The following DOCK4 variants were observed in gnomAD, a reference collection of about 807,000 sequenced individuals.
DOCK4 encodes dedicator of cytokinesis protein 4.
A neutral mutation model predicts 268.1 loss-of-function variants in DOCK4; 97 were observed. That is an observed-to-expected ratio of 0.36 (90% CI 0.31 to 0.43). The LOEUF is 0.43. DOCK4 is among the 20% of genes least tolerant of loss of function. The pLI, the probability that DOCK4 is intolerant of heterozygous loss-of-function variation, is 1.00. For synonymous variants in DOCK4, 954 were observed against 887.2 expected (o/e 1.08, Z -1.34); for missense variants, 2,145 against 2,455.7 (o/e 0.87, Z 2.67).
At chr7:111,926,633 C>T (rs1043279681) in intron 12 of DOCK4, among the ~76,000 whole-genome samples, 12 of 149,882 alleles carry the variant, frequency 8.0e-5, no homozygotes, top group African/African-American at 3.0e-4. Flanking sequence ...CTATCCTGGC[C>T]AACATGGTAA....
intron 1 of DOCK4, among the ~76,000 whole-genome samples, chr7:112,167,985 T>G (rs533916543): frequency 1.3e-5 from 2 of 152,132 alleles, no homozygotes; most frequent in Non-Finnish European, 1.5e-5. Flanking sequence ...CAATTACATC[T>G]AAATTAAAAT....
In DOCK4 at chr7:111,741,629, G is replaced by A; in HGVS notation, c.4830C>T (p.Val1610=). The change falls in exon 46 of 53, where the codon GTC becomes GTT. Residue 1610 remains valine, a synonymous_variant. Coordinates refer to ENST00000428084, the MANE Select transcript of DOCK4 (RefSeq NM_001363540.2). The stretch of plus-strand genomic sequence containing the variant: ...CACGAGGGCTTCCATTAGGAAAATG[G>A]ACAGGACTGGCTTGCATACAAGCAG... ...EFSACMQASP[V]HFPNGSPRVC... 6.2e-7 allele frequency: 1 copy of A among 1,613,598 alleles called. No individual in the cohort carries two copies. Among genetic ancestry groups the A allele is most frequent in the Non-Finnish European group, 8.5e-7 (1 of 1,179,740 alleles).
At chr7:111,760,988 T>G (rs1490849931) in intron 39 of DOCK4, among the ~76,000 whole-genome samples, 1 of 151,978 alleles carries the variant, frequency 6.6e-6, no homozygotes, top group African/African-American at 2.4e-5. Context: ...CTTATTTAAC[T>G]CATATAAGCT....
At chr7:111,894,759 A>C (rs1474956799) in intron 16 of DOCK4, among the ~76,000 whole-genome samples, 2 of 152,194 alleles carry the variant, frequency 1.3e-5, no homozygotes, top group Middle Eastern at 3.2e-3. Context: ...GTAGGGAGGT[A>C]GAAGGCTGGC....
At chr7:111,997,789 T>G (rs1800089160) in intron 4 of DOCK4, among the ~76,000 whole-genome samples, 1 of 152,218 alleles carries the variant, frequency 6.6e-6, no homozygotes. Context: ...CCCCTTATGA[T>G]GAATGATCTG....
chr7:112,078,797 T>C (rs947101078), intron 1 of DOCK4, among the ~76,000 whole-genome samples: 3 of 152,106 alleles, frequency 2.0e-5, no homozygotes, highest in African/African-American at 4.8e-5. Context: ...GCTCCAAACA[T>C]AGACCAGTAC....
chr7:111,894,709 T>C lies in DOCK4; in HGVS notation c.1587+903A>G, dbSNP rs117107945. Among the ~76,000 whole-genome samples the C allele has an allele frequency of 8.5e-3, 1,299 of 152,278 alleles. 5 individuals carry two copies. The highest frequency in any genetic ancestry group is 0.012 in the Non-Finnish European group (784 of 68,020). On this transcript the variant is annotated intron_variant, in intron 16 of 52. Transcript: ENST00000428084. ...AAGAACCAGAATGTGCTGGATGTGG[T>C]TGTAGCATCAAGAGGCCGGAAGTGG...
At chr7:111,955,373 C>T (rs944375016) in intron 8 of DOCK4, among the ~76,000 whole-genome samples, 4 of 152,148 alleles carry the variant, frequency 2.6e-5, no homozygotes, top group Middle Eastern at 3.2e-3. Context: ...AATATTAATG[C>T]TCAAGCCCAT....
At chr7:111,865,112 T>C (rs1056479066) in intron 22 of DOCK4, among the ~76,000 whole-genome samples, 10 of 152,218 alleles carry the variant, frequency 6.6e-5, no homozygotes, top group African/African-American at 2.2e-4. Flanking sequence ...CAGGGAAAGA[T>C]AACTATTGGG....
At chr7:111,762,763 T>A (rs1383837270) in intron 39 of DOCK4, among the ~76,000 whole-genome samples, 2 of 17,312 alleles carry the variant, frequency 1.2e-4, no homozygotes, top group African/African-American at 3.4e-4. Flanking sequence ...TTTTGTTTTC[T>A]TTTTTTTTTT....
At chr7:111,947,798 A>C (rs985542652) in intron 8 of DOCK4, among the ~76,000 whole-genome samples, 2 of 152,122 alleles carry the variant, frequency 1.3e-5, no homozygotes, top group African/African-American at 4.8e-5. Flanking sequence ...ATCTCGGCTC[A>C]CTGCAACCTC....
chr7:111,863,325 A>G, intron 23 of DOCK4, 47 bp downstream of exon 23: 1 of 1,608,194 alleles, frequency 6.2e-7, no homozygotes, highest in Non-Finnish European at 8.5e-7. Flanking sequence ...CAAAATATAC[A>G]AAATGGCTTT....
At chr7:112,134,011 A>G (rs1219167839) in intron 1 of DOCK4, among the ~76,000 whole-genome samples, 1 of 152,208 alleles carries the variant, frequency 6.6e-6, no homozygotes, top group Non-Finnish European at 1.5e-5. Flanking sequence ...ATTAGCTATT[A>G]TTTGGTAAAA....
chr7:112,138,924 A>G (rs1277692084), intron 1 of DOCK4, among the ~76,000 whole-genome samples: 1 of 152,052 alleles, frequency 6.6e-6, no homozygotes, highest in African/African-American at 2.4e-5. Flanking sequence ...TATAATTTCA[A>G]CTCTGCAGGT....
Position 111,974,197 on chromosome 7 carries a change from G to A in DOCK4, c.701+2935C>T, listed in dbSNP as rs577142042. Among the ~76,000 whole-genome samples the A allele has an allele frequency of 9.2e-5, 14 of 152,246 alleles. No homozygotes were observed. In the East Asian group the frequency reaches 2.3e-3, roughly 25 times the overall value. ...GACGGTGAACTGCCCTGTGTTCCCG[G>A]CAGTTTGAACCAAACTGACTCATTA... On this transcript the variant is annotated intron_variant, in intron 8 of 52. Transcript: ENST00000428084.
intron 1 of DOCK4, among the ~76,000 whole-genome samples, chr7:112,100,628 C>A (rs1250285938): frequency 6.6e-6 from 1 of 152,202 alleles, no homozygotes; most frequent in African/African-American, 2.4e-5. Context: ...CACTCAACAT[C>A]CAAGATTGCA....
At chr7:111,773,287 T>C (rs1798238597) in intron 36 of DOCK4, among the ~76,000 whole-genome samples, 2 of 152,080 alleles carry the variant, frequency 1.3e-5, no homozygotes, top group Non-Finnish European at 2.9e-5. Flanking sequence ...AATTTCACTG[T>C]CTCCAAGAAC....
At chr7:111,922,883 G>T (rs1348218100) in intron 12 of DOCK4, among the ~76,000 whole-genome samples, 1 of 152,176 alleles carries the variant, frequency 6.6e-6, no homozygotes, top group Non-Finnish European at 1.5e-5. Flanking sequence ...ACCCAGCCTG[G>T]GTTCAGTTCT....
chr7:111,953,600 T>C (rs1490392614), intron 8 of DOCK4: 1 of 152,270 alleles, frequency 6.6e-6, no homozygotes, highest in African/African-American at 2.4e-5. Flanking sequence ...GTAGGTGCTG[T>C]AAAGCTCTCT....
Sources: gnomAD v4.1 joint callset for allele counts (sites outside exome capture counted in the v4.1 genomes callset) on GRCh38, gnomAD v4.1.1 for gene constraint, MANE v1.5 for transcripts, NCBI Gene and HGNC (gene_info 2026-07-23, HGNC 2026-07-21) for gene names.